ARSF: variants seen among roughly 807,000 people sequenced by gnomAD.
ARSF encodes arylsulfatase F.
Under a neutral mutation model 35.4 loss-of-function variants are expected in ARSF, and 33 were observed. The observed-to-expected ratio is 0.93, with a 90% CI of 0.71 to 1.25. ARSF has a LOEUF of 1.25. ARSF is among the 50% of genes most tolerant of loss of function. The probability of loss-of-function intolerance (pLI) is 0.00; values close to 1 mark genes in which losing one functional copy is unlikely to be tolerated. For synonymous variants in ARSF, 222 were observed against 193.1 expected (o/e 1.15, Z -1.24); for missense variants, 501 against 480.2 (o/e 1.04, Z -0.40).
chrX:3,099,111 T>C (rs1004712069), intron 7 of ARSF, among the ~76,000 whole-genome samples: 6 of 111,499 alleles, frequency 5.4e-5, no homozygotes, highest in Non-Finnish European at 1.1e-4. Context: ...TATTTGGGAA[T>C]AAGATGCAGA....
chrX:3,045,956 T>C (rs2089973237), intron 1 of ARSF, among the ~76,000 whole-genome samples: 1 of 108,006 alleles, frequency 9.3e-6, no homozygotes, highest in Admixed American at 1.0e-4. Context: ...GATCTTGGCC[T>C]AATGCAACCT....
At chrX:3,102,460 A>G (rs957283639) in intron 8 of ARSF, among the ~76,000 whole-genome samples, 9 of 112,003 alleles carry the variant, frequency 8.0e-5, no homozygotes, top group African/African-American at 2.9e-4. Flanking sequence ...ATATTATTTC[A>G]CTTATTTTTA....
chrX:3,066,474 C>T (rs904239877), intron 1 of ARSF, among the ~76,000 whole-genome samples: 82 of 111,618 alleles, frequency 7.3e-4, no homozygotes, highest in African/African-American at 2.5e-3. Flanking sequence ...ATGAGGTCAC[C>T]GCAACACAAG....
intron 1 of ARSF, among the ~76,000 whole-genome samples, chrX:3,056,520 C>G (rs143000736): frequency 1.1e-3 from 118 of 111,126 alleles, no homozygotes; most frequent in African/African-American, 3.7e-3. Flanking sequence ...AAGCCATCTG[C>G]TTGCCTCAAC....
At chrX:3,102,263 A>G (rs902266918) in intron 8 of ARSF, among the ~76,000 whole-genome samples, 3 of 111,190 alleles carry the variant, frequency 2.7e-5, no homozygotes, top group Non-Finnish European at 5.7e-5. Context: ...AATATGTAGT[A>G]TTTTTTTCCT....
chrX:3,049,383 T>C (rs752784430), intron 1 of ARSF, among the ~76,000 whole-genome samples: 21 of 111,534 alleles, frequency 1.9e-4, no homozygotes, highest in Non-Finnish European at 3.2e-4. Context: ...TGATGCCTGT[T>C]CAGTGAATCT....
intron 7 of ARSF, among the ~76,000 whole-genome samples, chrX:3,090,686 G>T (rs759035033): frequency 1.8e-5 from 2 of 112,308 alleles, no homozygotes; most frequent in Non-Finnish European, 3.8e-5. Context: ...GTGAGAACAT[G>T]CAGTATTTGG....
At chrX:3,068,230 TC>T in intron 2 of ARSF, 119 bp downstream of exon 2, 1 of 669,225 alleles carries the variant, frequency 1.5e-6, no homozygotes. Context: ...TTTTCTTTTT[TC>T]TTTTTCTTTT....
intron 4 of ARSF, among the ~76,000 whole-genome samples, chrX:3,077,789 T>TTTTTTATTA (rs1555919570): frequency 3.3e-5 from 3 of 92,224 alleles, no homozygotes; most frequent in Non-Finnish European, 6.3e-5. Flanking sequence ...TTTTATTTTA[T>TTTTTTATTA]TTATTATTAT....
intron 1 of ARSF, chrX:3,066,882 G>A (rs2090068885): frequency 9.5e-6 from 1 of 105,196 alleles, no homozygotes; most frequent in South Asian, 4.5e-4. Flanking sequence ...GGTGAGTTGG[G>A]GAAGGCTTGT....
chrX:3,093,019 A>AAG, intron 7 of ARSF, among the ~76,000 whole-genome samples: 1 of 110,660 alleles, frequency 9.0e-6, no homozygotes, highest in Non-Finnish European at 1.9e-5. Flanking sequence ...AAATATACAA[A>AAG]CACATCCGTG....
At chrX:3,076,179 C>T (rs1228161708) in intron 3 of ARSF, among the ~76,000 whole-genome samples, 1 of 108,311 alleles carries the variant, frequency 9.2e-6, no homozygotes, top group Non-Finnish European at 1.9e-5. Context: ...CTCCCTCTTT[C>T]TGTCTTTCTC....
intron 3 of ARSF, among the ~76,000 whole-genome samples, chrX:3,076,018 TCTCC>T (rs1016738200): frequency 2.8e-5 from 3 of 108,956 alleles, no homozygotes; most frequent in Non-Finnish European, 5.7e-5. Flanking sequence ...TTTCTCTCTG[TCTCC>T]CTCCCTCTGT....
chrX:3,095,138 A>C (rs1454501), intron 7 of ARSF, among the ~76,000 whole-genome samples: 13,693 of 107,486 alleles, frequency 0.13, 754 homozygotes, highest in Middle Eastern at 0.2. Context: ...ACAGAGCAAA[A>C]TCCTGTCTCA....
At chrX:3,040,849 G>A (rs1344706447), upstream of ARSF, among the ~76,000 whole-genome samples, 13 of 111,200 alleles carry the variant, frequency 1.2e-4, no homozygotes, top group Non-Finnish European at 7.5e-5. Flanking sequence ...ACTCAGACAC[G>A]TGAAAGGGTA....
chrX:3,068,076 A>G lies in ARSF; in HGVS notation c.-25A>G, dbSNP rs1430695350. On this transcript the variant is annotated 5_prime_UTR_variant, in exon 2 of 11. Coordinates refer to ENST00000381127, the MANE Select transcript of ARSF (RefSeq NM_001201539.2). ...ACGTCTGTGTCTTCTGCCAAAGACAACAAGAAGGTATTCCAAGCTGCACAA... is the reference window on the plus strand; with the variant it reads ...ACGTCTGTGTCTTCTGCCAAAGACAGCAAGAAGGTATTCCAAGCTGCACAA... The G allele has an allele frequency of 2.5e-6, 3 of 1,194,579 alleles. No individual in the cohort carries two copies. The highest frequency in any genetic ancestry group is 2.3e-6 in the Non-Finnish European group (2 of 888,306).
At chrX:3,074,225 C>T (rs1379553345) in intron 3 of ARSF, among the ~76,000 whole-genome samples, 3 of 110,867 alleles carry the variant, frequency 2.7e-5, no homozygotes, top group Non-Finnish European at 5.7e-5. Context: ...CGGTGTTTTG[C>T]TGAAAATACT....
At chrX:3,111,715 A>G (rs2090446194) in intron 10 of ARSF, among the ~76,000 whole-genome samples, 1 of 109,649 alleles carries the variant, frequency 9.1e-6, no homozygotes, top group Admixed American at 1.0e-4. Context: ...TGTATTACAT[A>G]ATGAAATAAT....
chrX:3,075,581 C>T (rs935718719), intron 3 of ARSF, among the ~76,000 whole-genome samples: 4 of 101,828 alleles, frequency 3.9e-5, no homozygotes, highest in African/African-American at 1.4e-4. Context: ...TCTCTGTCTC[C>T]CTCTCTTTGT....
Sources: gnomAD v4.1 joint callset for allele counts (sites outside exome capture counted in the v4.1 genomes callset) on GRCh38, gnomAD v4.1.1 for gene constraint, MANE v1.5 for transcripts, NCBI Gene and HGNC (gene_info 2026-07-23, HGNC 2026-07-21) for gene names.